The following NAV2 variants were observed in gnomAD, a reference collection of about 807,000 sequenced individuals.
NAV2 encodes the protein neuron navigator 2.
Under a neutral mutation model 223.2 loss-of-function variants are expected in NAV2, and 54 were observed. The observed-to-expected ratio is 0.24, with a 90% CI of 0.19 to 0.30. The LOEUF is 0.30. Among genes scored for constraint, NAV2 ranks in the 10% least tolerant of loss-of-function variants. The probability of loss-of-function intolerance (pLI) is 1.00; values close to 1 mark genes in which losing one functional copy is unlikely to be tolerated. For missense variants in NAV2, 2,806 were observed against 3,147.5 expected, an observed-to-expected ratio of 0.89 and a Z score of 2.60; for synonymous variants, 1,279 against 1,239.3, an observed-to-expected ratio of 1.03 and a Z score of -0.67.
chr11:19,838,596 G>A (rs1009575505), intron 2 of NAV2, among the ~76,000 whole-genome samples: 16 of 152,142 alleles, frequency 1.1e-4, no homozygotes, highest in Non-Finnish European at 1.6e-4. Flanking sequence ...CATCTGATGT[G>A]TAACTTCAAG....
chr11:19,543,607 G>A (rs1468375322), intron 1 of NAV2, among the ~76,000 whole-genome samples: 1 of 152,158 alleles, frequency 6.6e-6, no homozygotes, highest in Non-Finnish European at 1.5e-5. Context: ...TTTTGACTGT[G>A]TAACTTTATC....
upstream of NAV2, among the ~76,000 whole-genome samples, chr11:19,707,898 T>C (rs1195427804): frequency 6.6e-6 from 1 of 152,232 alleles, no homozygotes; most frequent in Non-Finnish European, 1.5e-5. Context: ...CCGCCATCAT[T>C]ATATGCAGTC....
rs950354504 is a variant in NAV2, at chr11:19,820,234, A to C, written c.268-12250A>C. Among the ~76,000 whole-genome samples, 3 of 152,382 alleles carry C rather than the reference A, an allele frequency of 2.0e-5. No individual in the cohort carries two copies. In the South Asian group the frequency reaches 6.2e-4, roughly 32 times the overall value. On this transcript the variant is annotated intron_variant, in intron 1 of 37. Transcript: ENST00000349880. ...TGGCACTGATTGATGTCTGCTGTCAATAAGTGTGCTTGCAGCTGCTCCCAA... is the reference window on the plus strand; with the variant it reads ...TGGCACTGATTGATGTCTGCTGTCACTAAGTGTGCTTGCAGCTGCTCCCAA...
chr11:19,878,911 C>A (rs1036783470), intron 4 of NAV2, among the ~76,000 whole-genome samples: 1 of 152,180 alleles, frequency 6.6e-6, no homozygotes, highest in African/African-American at 2.4e-5. Context: ...AGCTTTCTTG[C>A]TTCACGTCTG....
chr11:19,927,353 G>A (rs1178953143), intron 6 of NAV2, among the ~76,000 whole-genome samples: 1 of 152,196 alleles, frequency 6.6e-6, no homozygotes, highest in African/African-American at 2.4e-5. Context: ...AGGCCAAGGT[G>A]GGAAGATCAC....
intron 1 of NAV2, among the ~76,000 whole-genome samples, chr11:19,642,791 T>C (rs1289566246): frequency 2.6e-5 from 4 of 152,038 alleles, no homozygotes; most frequent in Non-Finnish European, 5.9e-5. Context: ...GTCAGGGGTG[T>C]GTGTGTGTGT....
At chr11:19,667,045 C>A (rs1464317700) in intron 1 of NAV2, among the ~76,000 whole-genome samples, 1 of 151,984 alleles carries the variant, frequency 6.6e-6, no homozygotes, top group African/African-American at 2.4e-5. Context: ...ACTACCCCAA[C>A]CCCCAGACTA....
At chr11:19,707,738 C>T (rs2049712545) in intron 1 of NAV2, among the ~76,000 whole-genome samples, 1 of 152,160 alleles carries the variant, frequency 6.6e-6, no homozygotes, top group African/African-American at 2.4e-5. Context: ...AAGTATTAGG[C>T]ACTGTACATG....
At chr11:19,902,772 G>A (rs530268841) in intron 6 of NAV2, among the ~76,000 whole-genome samples, 5 of 152,206 alleles carry the variant, frequency 3.3e-5, no homozygotes, top group African/African-American at 1.2e-4. Flanking sequence ...GACTTAGTTC[G>A]GTCATCCCTT....
intron 1 of NAV2, among the ~76,000 whole-genome samples, chr11:19,369,970 A>C (rs972633667): frequency 6.6e-6 from 1 of 152,226 alleles, no homozygotes; most frequent in African/African-American, 2.4e-5. Flanking sequence ...TGGAGCTAAG[A>C]AGTTTTCCTC....
intron 1 of NAV2, among the ~76,000 whole-genome samples, chr11:19,477,452 C>A (rs1419189607): frequency 1.3e-5 from 2 of 152,184 alleles, no homozygotes; most frequent in Admixed American, 6.5e-5. Context: ...ACCTTACAGT[C>A]CTACAAGTAA....
chr11:19,371,202 T>C (rs1240452428), intron 1 of NAV2, among the ~76,000 whole-genome samples: 1 of 152,228 alleles, frequency 6.6e-6, no homozygotes, highest in Non-Finnish European at 1.5e-5. Context: ...CATTATTTCA[T>C]TTAATCTTCA....
chr11:19,440,236 GT>G lies in NAV2; in HGVS notation c.75+89210del, dbSNP rs1289228722. Among the ~76,000 whole-genome samples the G allele has an allele frequency of 1.4e-4, 21 of 152,270 alleles. No individual in the cohort carries two copies. The South Asian group carries it at 4.1e-3, about 30-fold the overall frequency. ...AGACAATTAGCAGGGGAGATAGTGG[GT>G]GCTATGGGAAGCCATGGCAAGAATC... On this transcript the variant is annotated intron_variant, in intron 1 of 37. Transcript: ENST00000360655.
chr11:19,989,427 A>G (rs897984940), intron 11 of NAV2, among the ~76,000 whole-genome samples: 3 of 152,158 alleles, frequency 2.0e-5, no homozygotes, highest in Middle Eastern at 6.3e-3. Context: ...GCCTCCAGAA[A>G]TGAATGTAGC....
intron 7 of NAV2, among the ~76,000 whole-genome samples, chr11:19,938,975 C>G (rs1278451506): frequency 6.6e-6 from 1 of 152,180 alleles, no homozygotes; most frequent in Non-Finnish European, 1.5e-5. Context: ...CATTTGCATG[C>G]CATGCCTGAA....
chr11:19,687,909 T>A (rs117544836), intron 1 of NAV2, among the ~76,000 whole-genome samples: 619 of 152,186 alleles, frequency 4.1e-3, no homozygotes, highest in Non-Finnish European at 6.9e-3. Context: ...AGAAAGAAGG[T>A]CATGCTTAGG....
chr11:19,945,344 TCC>T (rs2046852511), intron 8 of NAV2, among the ~76,000 whole-genome samples: 1 of 53,132 alleles, frequency 1.9e-5, no homozygotes, highest in African/African-American at 8.5e-5. Context: ...TTTCTTTCCT[TCC>T]CTTTCCTTCC....
At chr11:19,910,066 G>A (rs1163246966) in intron 6 of NAV2, among the ~76,000 whole-genome samples, 4 of 152,080 alleles carry the variant, frequency 2.6e-5, no homozygotes, top group Admixed American at 6.5e-5. Flanking sequence ...TTTTGCATAC[G>A]TAGTCTCATT....
At chr11:20,095,495 A>G (rs1285951065) in intron 29 of NAV2, among the ~76,000 whole-genome samples, 177 bp from the exon 30 acceptor site, 1 of 152,228 alleles carries the variant, frequency 6.6e-6, no homozygotes, top group African/African-American at 2.4e-5. Context: ...GCAGTAAAGC[A>G]GGGAAAGGTA....
Sources: gnomAD v4.1 joint callset for allele counts (sites outside exome capture counted in the v4.1 genomes callset) on GRCh38, gnomAD v4.1.1 for gene constraint, MANE v1.5 for transcripts, NCBI Gene and HGNC (gene_info 2026-07-23, HGNC 2026-07-21) for gene names.